Variants in ZCCHC24 observed in about 807,000 individuals in gnomAD.
ZCCHC24 encodes zinc finger CCHC domain-containing protein 24.
Under a neutral mutation model 26.2 loss-of-function variants are expected in ZCCHC24, and 10 were observed. The observed-to-expected ratio is 0.38, with a 90% CI of 0.24 to 0.65. ZCCHC24 has a LOEUF of 0.65. ZCCHC24 is among the 30% of genes least tolerant of loss of function. The pLI is 0.54. For missense variants in ZCCHC24, 243 were observed against 329.1 expected (o/e 0.74, Z 2.03); for synonymous variants, 144 against 147.1 (o/e 0.98, Z 0.15).
intron 2 of ZCCHC24, among the ~76,000 whole-genome samples, chr10:79,405,173 T>C (rs1856694074): frequency 6.6e-6 from 1 of 152,094 alleles, no homozygotes; most frequent in Non-Finnish European, 1.5e-5. Flanking sequence ...GACATGATCT[T>C]CCCTAGGTCA....
rs112367748 is a variant in ZCCHC24, at chr10:79,396,030, C to T, written c.448-1590G>A. ...TCCCACTTCCTTATCCCACACAGCC[C>T]TAGGCAGCCACTAGTGTACTTTCTG... On this transcript the variant is annotated intron_variant, in intron 2 of 3. Transcript: ENST00000372336. Among the ~76,000 whole-genome samples, 111 of 152,328 alleles carry T rather than the reference C, an allele frequency of 7.3e-4. 1 individual carries two copies. Among genetic ancestry groups the T allele is most frequent in the African/African-American group, 2.3e-3 (97 of 41,568 alleles).
Position 79,385,955 on chromosome 10 carries a change from G to A in ZCCHC24, c.*390C>T, listed in dbSNP as rs531554800. On this transcript the variant is annotated 3_prime_UTR_variant, in exon 4 of 4. Coordinates refer to ENST00000372336, the MANE Select transcript of ZCCHC24 (RefSeq NM_153367.4). The surrounding 1 kb of genome is among the most constrained non-coding windows in gnomAD (Gnocchi z 4.3). The stretch of plus-strand genomic sequence containing the variant: ...GGGGCAGGCGGCCTGGCTGGTCTGG[G>A]GAGGTTTGGGATTCACAGTCAATTT... 6.1e-5 allele frequency: 26 copies of A among 424,240 alleles called. No homozygotes were observed. Among genetic ancestry groups the A allele is most frequent in the African/African-American group, 5.2e-4 (26 of 50,324 alleles). The allele number at this position is 424,240 out of a possible 1,614,324, so 26.3% of individuals were successfully genotyped here. A position where few individuals can be genotyped will look rare whatever the true frequency, so the allele number is the denominator to read the frequency against.
At chr10:79,401,437 T>A (rs1255654204) in intron 2 of ZCCHC24, among the ~76,000 whole-genome samples, 3 of 152,234 alleles carry the variant, frequency 2.0e-5, no homozygotes, top group African/African-American at 7.2e-5. Context: ...AGAGGTTACA[T>A]GGCTTGCCCA....
intron 2 of ZCCHC24, among the ~76,000 whole-genome samples, chr10:79,431,407 C>T (rs1296106579): frequency 6.6e-6 from 1 of 152,188 alleles, no homozygotes; most frequent in East Asian, 1.9e-4. Context: ...GCAGGAAAGT[C>T]GTCAGTGGGT....
intron 1 of ZCCHC24, chr10:79,444,219 T>C (rs2132228447): frequency 6.7e-7 from 1 of 1,492,010 alleles, no homozygotes; most frequent in Admixed American, 2.5e-5. Flanking sequence ...CACAGATGGG[T>C]GTCTGAAATT....
At position 79,383,706 on chromosome 10, in the gene ZCCHC24, C is replaced by A. The variant is rs1348926806; in HGVS notation, c.*2639G>T. 6.6e-6 allele frequency: 1 copy of A among 151,450 alleles called. No homozygotes were observed. The highest frequency in any genetic ancestry group is 2.4e-5 in the African/African-American group (1 of 40,998). The allele number at this position is 151,450 out of a possible 1,614,324, so 9.4% of individuals were successfully genotyped here. A position where few individuals can be genotyped will look rare whatever the true frequency, so the allele number is the denominator to read the frequency against. ...ACTGTGAAGATTTTTTCGGGAAAAG[C>A]TACCAAATTCAGTGTTGTGAGAAAA... On this transcript the variant is annotated 3_prime_UTR_variant, in exon 4 of 4. Coordinates refer to ENST00000372336, the MANE Select transcript of ZCCHC24 (RefSeq NM_153367.4).
At chr10:79,421,403 T>A (rs1363278204) in intron 2 of ZCCHC24, among the ~76,000 whole-genome samples, 2 of 151,470 alleles carry the variant, frequency 1.3e-5, no homozygotes, top group East Asian at 3.9e-4. Flanking sequence ...CACAGAATGA[T>A]GCTGTCTGTC....
In ZCCHC24 at chr10:79,435,616, C is replaced by T. The variant is rs143506235; in HGVS notation, c.247-2858G>A. 1.9e-4 allele frequency among the ~76,000 whole-genome samples: 29 copies of T among 152,318 alleles called. 1 individual carries two copies. In the South Asian group the frequency reaches 3.9e-3, roughly 21 times the overall value. On this transcript the variant is annotated intron_variant, in intron 1 of 3. Transcript: ENST00000372336. ...CCCATCCCCCAGCCCTAATTCCAGA[C>T]GAACGCTACCTTAGAGCCGAAAGGG...
intron 2 of ZCCHC24, among the ~76,000 whole-genome samples, chr10:79,415,628 C>G (rs4979864): frequency 0.43 from 65,574 of 151,996 alleles, 14,493 homozygotes; most frequent in African/African-American, 0.51. Flanking sequence ...TACCCCCTCA[C>G]TCCTCCCTGC....
At chr10:79,412,341 G>A (rs1002800621) in intron 2 of ZCCHC24, among the ~76,000 whole-genome samples, 3 of 152,218 alleles carry the variant, frequency 2.0e-5, no homozygotes, top group African/African-American at 4.8e-5. Context: ...AGCCTGCAGC[G>A]GCATGAGCCT....
In ZCCHC24 at chr10:79,386,457, C is replaced by T. The variant is rs1345425417; in HGVS notation, c.614G>A (p.Arg205Lys). 8.8e-6 allele frequency: 14 copies of T among 1,592,716 alleles called. No individual in the cohort carries two copies. The highest frequency in any genetic ancestry group is 1.2e-5 in the Non-Finnish European group (14 of 1,164,072). ...CHINVYPHKQRPLEKPDGLDV... is the reference protein window; with the variant it reads ...CHINVYPHKQKPLEKPDGLDV... Reference sequence around the variant, plus strand: ...CAGGCCGTCGGGCTTCTCCAGGGGTCTCTGCAGAGAGAAGGAGGAAGGGGC... The same window carrying T: ...CAGGCCGTCGGGCTTCTCCAGGGGTTTCTGCAGAGAGAAGGAGGAAGGGGC... Residue 205 changes from arginine to lysine, a missense_variant and splice_region_variant, in exon 4 of 4, where the codon AGA (arginine) becomes AAA (lysine). Transcript: ENST00000372336.
intron 2 of ZCCHC24, among the ~76,000 whole-genome samples, chr10:79,428,525 A>T (rs1021962579): frequency 6.6e-6 from 1 of 152,162 alleles, no homozygotes. Context: ...GGTGATGGTC[A>T]TACAACGATG....
intron 2 of ZCCHC24, among the ~76,000 whole-genome samples, chr10:79,428,537 G>C (rs28447238): frequency 0.25 from 36,414 of 148,596 alleles, 5,537 homozygotes; most frequent in African/African-American, 0.4. Context: ...ACAACGATGT[G>C]AATGTATTTA....
rs554577966 is a variant in ZCCHC24 at position 79,403,846 on chromosome 10, A to G, written c.448-9406T>C. Reference sequence around the variant, plus strand: ...CAATGGGAGCTTTCACAGGGACAGGAAAAGGCCTCAGGAAAACCCTGGGGA... The same window carrying G: ...CAATGGGAGCTTTCACAGGGACAGGGAAAGGCCTCAGGAAAACCCTGGGGA... On this transcript the variant is annotated intron_variant, in intron 2 of 3. Coordinates refer to ENST00000372336, the MANE Select transcript of ZCCHC24 (RefSeq NM_153367.4). 2.6e-5 allele frequency among the ~76,000 whole-genome samples: 4 copies of G among 152,166 alleles called. No individual in the cohort carries two copies. In the South Asian group the frequency reaches 8.3e-4, roughly 32 times the overall value.
intron 2 of ZCCHC24, chr10:79,403,495 G>T (rs1001898126): frequency 1.0e-6 from 1 of 985,354 alleles, no homozygotes; most frequent in African/African-American, 1.7e-5. Context: ...GCAGCTGCAG[G>T]CTCCACGGAG....
intron 2 of ZCCHC24, among the ~76,000 whole-genome samples, chr10:79,404,044 G>C (rs974025782): frequency 6.6e-6 from 1 of 152,074 alleles, no homozygotes; most frequent in African/African-American, 2.4e-5. Context: ...AAGAGGAGAA[G>C]GGGGGACAGG....
rs527292753 is a variant in ZCCHC24, at chr10:79,385,633, G to C, written c.*712C>G. 1 of 152,962 alleles carries C rather than the reference G, an allele frequency of 6.5e-6. No homozygotes were observed. The highest frequency in any genetic ancestry group is 2.4e-5 in the African/African-American group (1 of 41,598). 9.5% of individuals were successfully genotyped at this position (152,962 alleles called of 1,614,324 possible). On this transcript the variant is annotated 3_prime_UTR_variant, in exon 4 of 4. Transcript: ENST00000372336. The surrounding 1 kb of genome is among the most constrained non-coding windows in gnomAD (Gnocchi z 4.3). ...ACAAAACCTAAGGCAGTCTGGTGGG[G>C]GTCGTGGGAGGGGCTGCCCCACGTT...
chr10:79,411,594 C>T (rs1194800203), intron 2 of ZCCHC24, among the ~76,000 whole-genome samples: 2 of 152,224 alleles, frequency 1.3e-5, no homozygotes, highest in Admixed American at 6.5e-5. Context: ...AGTATATGCA[C>T]AGAGCAGGAC....
Position 79,386,244 on chromosome 10 carries a change from A to T in ZCCHC24, c.*101T>A. 9.0e-7 allele frequency: 1 copy of T among 1,114,076 alleles called. No individual in the cohort carries two copies. The highest frequency in any genetic ancestry group is 1.3e-6 in the Non-Finnish European group (1 of 752,816). The allele number at this position is 1,114,076 out of a possible 1,614,324, so 69.0% of individuals were successfully genotyped here. A position where few individuals can be genotyped will look rare whatever the true frequency, so the allele number is the denominator to read the frequency against. ...CCCAGCCCCGCAGGCCTGCGAGGGC[A>T]CCCCATGCACAGGGCGACACGCAGC... On this transcript the variant is annotated 3_prime_UTR_variant, in exon 4 of 4. Coordinates refer to ENST00000372336, the MANE Select transcript of ZCCHC24 (RefSeq NM_153367.4).
Sources: gnomAD v4.1 joint callset for allele counts (sites outside exome capture counted in the v4.1 genomes callset) on GRCh38, gnomAD v4.1.1 for gene constraint, Gnocchi (gnomAD v3.1) non-coding constraint, MANE v1.5 for transcripts, NCBI Gene and HGNC (gene_info 2026-07-23, HGNC 2026-07-21) for gene names.